Variants in FAM135B observed in about 807,000 individuals in gnomAD.
FAM135B encodes the protein protein FAM135B.
In FAM135B, 43 loss-of-function variants were observed where a neutral mutation model predicts 127.7. The ratio of observed to expected loss-of-function variants is 0.34; its 90% CI spans 0.26 to 0.43. The LOEUF is 0.43. Ranked by LOEUF, FAM135B falls within the 20% of genes least tolerant of loss-of-function variation. The pLI, the probability that FAM135B is intolerant of heterozygous loss-of-function variation, is 1.00. For synonymous variants in FAM135B, 670 were observed against 665.1 expected (o/e 1.01, Z -0.11); for missense variants, 1,558 against 1,725.6 (o/e 0.90, Z 1.72).
At chr8:138,172,099 C>T (rs1211029106) in intron 11 of FAM135B, among the ~76,000 whole-genome samples, 1 of 152,168 alleles carries the variant, frequency 6.6e-6, no homozygotes, top group African/African-American at 2.4e-5. Context: ...AATTTAAAGG[C>T]AACAATATTT....
chr8:138,230,002 T>C (rs1208490209), intron 7 of FAM135B, among the ~76,000 whole-genome samples: 2 of 152,144 alleles, frequency 1.3e-5, no homozygotes, highest in African/African-American at 4.8e-5. Flanking sequence ...AGCCAAACCA[T>C]AGAACCTTCC....
At chr8:138,395,924 T>C (rs1038219312) in intron 1 of FAM135B, among the ~76,000 whole-genome samples, 13 of 152,264 alleles carry the variant, frequency 8.5e-5, no homozygotes, top group African/African-American at 2.4e-4. Flanking sequence ...TTTTGTGTTA[T>C]AGCACATGTT....
intron 1 of FAM135B, among the ~76,000 whole-genome samples, chr8:138,421,771 A>G (rs1205374838): frequency 6.6e-6 from 1 of 152,218 alleles, no homozygotes; most frequent in Non-Finnish European, 1.5e-5. Context: ...TTTTCATAGA[A>G]TTAGAAAAAA....
intron 19 of FAM135B, among the ~76,000 whole-genome samples, chr8:138,136,126 A>T (rs1001148385): frequency 2.6e-5 from 4 of 151,992 alleles, no homozygotes; most frequent in Admixed American, 6.6e-5. Flanking sequence ...TATAAAACAC[A>T]ATGCTATTTT....
At position 138,132,746 on chromosome 8, in the gene FAM135B, G is replaced by A. The variant is rs1185042087; in HGVS notation, c.4068C>T (p.Ala1356=). ...TGTGTCGGATTAAAGTGCAGTCCTT[G>A]GCTTCAACCAGAGGGCCCAGGAGGT... ...INNLLGPLVE[A]KDCTLIRHNV... Residue 1356 remains alanine, a synonymous_variant, in exon 20 of 20, where the codon GCC becomes GCT. Coordinates refer to ENST00000395297, the MANE Select transcript of FAM135B (RefSeq NM_015912.4). The surrounding 1 kb of genome is among the most constrained non-coding windows in gnomAD (Gnocchi z 4.5). 5.0e-6 allele frequency: 8 copies of A among 1,614,044 alleles called. No individual in the cohort carries two copies. Among genetic ancestry groups the A allele is most frequent in the Admixed American group, 1.7e-5 (1 of 60,006 alleles).
chr8:138,433,337 C>G (rs911872448), intron 1 of FAM135B, among the ~76,000 whole-genome samples: 1 of 151,826 alleles, frequency 6.6e-6, no homozygotes, highest in African/African-American at 2.4e-5. Context: ...GCCTGACCAA[C>G]ATGGTGAAAC....
intron 7 of FAM135B, among the ~76,000 whole-genome samples, chr8:138,219,535 A>T (rs1179461219): frequency 6.6e-6 from 1 of 152,194 alleles, no homozygotes; most frequent in East Asian, 1.9e-4. Context: ...AAATCTGCGT[A>T]AATATTTGAG....
At chr8:138,171,794 G>C (rs1820476520) in intron 11 of FAM135B, among the ~76,000 whole-genome samples, 1 of 152,188 alleles carries the variant, frequency 6.6e-6, no homozygotes, top group African/African-American at 2.4e-5. Context: ...TGACCAGGCA[G>C]GGAGTCCGTG....
intron 1 of FAM135B, among the ~76,000 whole-genome samples, chr8:138,399,053 G>C (rs572399721): frequency 6.6e-6 from 1 of 152,082 alleles, no homozygotes; most frequent in Admixed American, 6.5e-5. Context: ...AAGAATAACA[G>C]GAGTAAGAAT....
At chr8:138,246,085 T>C (rs1821259223) in intron 6 of FAM135B, among the ~76,000 whole-genome samples, 1 of 152,150 alleles carries the variant, frequency 6.6e-6, no homozygotes, top group African/African-American at 2.4e-5. Flanking sequence ...TTAGGGTATC[T>C]GGTGGAAGAA....
At chr8:138,159,563 C>G (rs11166789) in intron 12 of FAM135B, among the ~76,000 whole-genome samples, 1 of 146,832 alleles carries the variant, frequency 6.8e-6, no homozygotes, top group South Asian at 2.3e-4. Flanking sequence ...ATGAGAACAC[C>G]TGGACACAGG....
chr8:138,322,615 G>A (rs937266527), intron 2 of FAM135B, among the ~76,000 whole-genome samples: 7 of 152,162 alleles, frequency 4.6e-5, no homozygotes, highest in African/African-American at 1.7e-4. Flanking sequence ...TCAGCTATGG[G>A]GAAATTGCAC....
intron 1 of FAM135B, among the ~76,000 whole-genome samples, chr8:138,480,052 C>T (rs1488797804): frequency 6.6e-6 from 1 of 152,130 alleles, no homozygotes; most frequent in Non-Finnish European, 1.5e-5. Context: ...GCCAACTGTG[C>T]TGGCAGGACT....
intron 11 of FAM135B, among the ~76,000 whole-genome samples, chr8:138,169,493 T>C (rs180890992): frequency 6.6e-6 from 1 of 152,326 alleles, no homozygotes. Flanking sequence ...TTTAACTCTT[T>C]AAATGTTCTT....
chr8:138,320,962 A>G (rs547709251), intron 2 of FAM135B, among the ~76,000 whole-genome samples: 2 of 152,340 alleles, frequency 1.3e-5, no homozygotes, highest in Admixed American at 6.5e-5. Flanking sequence ...TTTTCATAGC[A>G]GTATAGCATG....
chr8:138,413,445 C>T lies in FAM135B; in HGVS notation c.-19-45443G>A, dbSNP rs531303136. Reference sequence around the variant, plus strand: ...CAACTTAGGAAGCCTTCTCTAAAAACCTCCCTTTGGACGAAGTGTTCCTTC... The same window carrying T: ...CAACTTAGGAAGCCTTCTCTAAAAATCTCCCTTTGGACGAAGTGTTCCTTC... On this transcript the variant is annotated intron_variant, in intron 1 of 19. Coordinates refer to ENST00000395297, the MANE Select transcript of FAM135B (RefSeq NM_015912.4). 1.2e-4 allele frequency among the ~76,000 whole-genome samples: 18 copies of T among 152,286 alleles called. No individual in the cohort carries two copies. The South Asian group carries it at 3.3e-3, about 28-fold the overall frequency.
At chr8:138,405,808 G>C (rs1833448827) in intron 1 of FAM135B, among the ~76,000 whole-genome samples, 1 of 151,792 alleles carries the variant, frequency 6.6e-6, no homozygotes, top group Non-Finnish European at 1.5e-5. Flanking sequence ...CACAATGGTT[G>C]AACTAGTTTA....
At position 138,163,668 on chromosome 8, in the gene FAM135B, T is replaced by C. The variant is rs138508667; in HGVS notation, c.1258+4227A>G. Among the ~76,000 whole-genome samples, 149 of 152,268 alleles carry C rather than the reference T, an allele frequency of 9.8e-4. 1 individual carries two copies. The highest frequency in any genetic ancestry group is 5.0e-3 in the South Asian group (24 of 4,828). On this transcript the variant is annotated intron_variant, in intron 12 of 19. Coordinates refer to ENST00000395297, the MANE Select transcript of FAM135B (RefSeq NM_015912.4). Reference sequence around the variant, plus strand: ...CACCTTCCACCGTGTGATGCCTCCCTAGCCACGTGGAACTGTGAGTCCATT... The same window carrying C: ...CACCTTCCACCGTGTGATGCCTCCCCAGCCACGTGGAACTGTGAGTCCATT...
chr8:138,278,569 T>G (rs1340711526), intron 3 of FAM135B, among the ~76,000 whole-genome samples: 1 of 130,950 alleles, frequency 7.6e-6, no homozygotes, highest in Non-Finnish European at 1.6e-5. Flanking sequence ...TTTTTTTTTT[T>G]TTTTTTTTTT....
Sources: allele counts gnomAD v4.1 joint callset (sites outside exome capture counted in the v4.1 genomes callset), GRCh38; gene constraint gnomAD v4.1.1; non-coding constraint Gnocchi (gnomAD v3.1); transcripts MANE v1.5; gene names NCBI Gene and HGNC (gene_info 2026-07-23, HGNC 2026-07-21).